Variants in ATXN1 observed in about 807,000 individuals in gnomAD.
ATXN1 encodes the protein ataxin 1.
Under a neutral mutation model 56.4 loss-of-function variants are expected in ATXN1, and 8 were observed. The ratio of observed to expected loss-of-function variants is 0.14; its 90% CI spans 0.08 to 0.26. The LOEUF (loss-of-function observed/expected upper bound fraction) is 0.26, where lower values mean the gene tolerates loss of function less well. ATXN1 is among the 10% of genes least tolerant of loss of function. ATXN1 has a pLI of 1.00. For synonymous variants in ATXN1, 514 were observed against 494.6 expected (o/e 1.04, Z -0.52); for missense variants, 987 against 1,106.5 (o/e 0.89, Z 1.53).
At chr6:16,673,413 T>C (rs1758588345) in intron 2 of ATXN1, among the ~76,000 whole-genome samples, 1 of 152,196 alleles carries the variant, frequency 6.6e-6, no homozygotes, top group Non-Finnish European at 1.5e-5. Flanking sequence ...GCTACCTCTT[T>C]TCTCCGTTTC....
At chr6:16,659,053 T>C (rs768883532) in intron 2 of ATXN1, among the ~76,000 whole-genome samples, 2 of 152,186 alleles carry the variant, frequency 1.3e-5, no homozygotes, top group East Asian at 3.9e-4. Context: ...GTTTGAGGAG[T>C]TGTGTCTATC....
chr6:16,351,669 T>C (rs958723607), intron 6 of ATXN1, among the ~76,000 whole-genome samples: 1 of 152,152 alleles, frequency 6.6e-6, no homozygotes, highest in Non-Finnish European at 1.5e-5. Flanking sequence ...TCCCAAAGTG[T>C]TGGGATAACA....
At chr6:16,321,318 G>A (rs1036200207) in intron 7 of ATXN1, among the ~76,000 whole-genome samples, 2 of 152,170 alleles carry the variant, frequency 1.3e-5, no homozygotes, top group Non-Finnish European at 2.9e-5. Flanking sequence ...ATTATATTTG[G>A]CAGTGAGGCC....
At chr6:16,508,288 A>G (rs930913452) in intron 5 of ATXN1, among the ~76,000 whole-genome samples, 1 of 152,242 alleles carries the variant, frequency 6.6e-6, no homozygotes, top group African/African-American at 2.4e-5. Context: ...AAATTATTTC[A>G]TATAATATGA....
intron 7 of ATXN1, among the ~76,000 whole-genome samples, chr6:16,319,046 G>A (rs1027003239): frequency 1.3e-4 from 20 of 151,774 alleles, no homozygotes; most frequent in Admixed American, 5.3e-4. Context: ...GCAAGACCCC[G>A]TCTCTACAAA....
intron 5 of ATXN1, among the ~76,000 whole-genome samples, chr6:16,517,056 C>T (rs1761196781): frequency 1.3e-5 from 2 of 152,232 alleles, no homozygotes; most frequent in African/African-American, 2.4e-5. Context: ...TTAACCAATA[C>T]CACCATGCAG....
intron 6 of ATXN1, among the ~76,000 whole-genome samples, chr6:16,451,117 T>C (rs1759744476): frequency 6.6e-6 from 1 of 152,232 alleles, no homozygotes; most frequent in Non-Finnish European, 1.5e-5. Flanking sequence ...ACATCTTCTC[T>C]TCCCATTTAA....
chr6:16,446,592 C>G (rs1759640962), intron 6 of ATXN1, among the ~76,000 whole-genome samples: 1 of 152,144 alleles, frequency 6.6e-6, no homozygotes, highest in Admixed American at 6.6e-5. Flanking sequence ...TCTGCACACT[C>G]CATTTTGCTT....
In ATXN1 at chr6:16,464,335, G is replaced by A. The variant is rs570738769; in HGVS notation, c.-161+21637C>T. Among the ~76,000 whole-genome samples the A allele has an allele frequency of 1.6e-4, 24 of 152,248 alleles. No individual in the cohort carries two copies. In the South Asian group the frequency reaches 3.1e-3, roughly 20 times the overall value. ...AGCAGGATTCTAAAGGTAGCCAATC[G>A]CAGGGAGGATTGAAAAAAAGGGCAC... On this transcript the variant is annotated intron_variant, in intron 6 of 7. Coordinates refer to ENST00000436367, the MANE Select transcript of ATXN1 (RefSeq NM_001128164.2).
chr6:16,711,481 T>C (rs141391935), intron 2 of ATXN1, among the ~76,000 whole-genome samples: 171 of 151,696 alleles, frequency 1.1e-3, no homozygotes, highest in South Asian at 2.1e-3. Context: ...TGAGAAAAAA[T>C]TCATATTTCT....
At chr6:16,737,122 T>C (rs1760163192) in intron 2 of ATXN1, 1 of 152,234 alleles carries the variant, frequency 6.6e-6, no homozygotes, top group Non-Finnish European at 1.5e-5. Context: ...GCAAAGCTGA[T>C]GCTATTTAAA....
chr6:16,723,627 A>G (rs985040478), intron 2 of ATXN1, among the ~76,000 whole-genome samples: 2 of 152,178 alleles, frequency 1.3e-5, no homozygotes, highest in African/African-American at 4.8e-5. Flanking sequence ...ATAAGTTCCA[A>G]TGTTTAGTCA....
At chr6:16,478,309 G>T (rs1360470118) in intron 6 of ATXN1, among the ~76,000 whole-genome samples, 1 of 152,126 alleles carries the variant, frequency 6.6e-6, no homozygotes, top group Non-Finnish European at 1.5e-5. Flanking sequence ...TGAATTATGT[G>T]AGCCAGTAGA....
chr6:16,742,471 G>C (rs1439615828), intron 2 of ATXN1, among the ~76,000 whole-genome samples: 1 of 152,194 alleles, frequency 6.6e-6, no homozygotes. Flanking sequence ...AAGGTTAAAA[G>C]GGCCTTAGGG....
chr6:16,721,685 T>C (rs1010820351), intron 2 of ATXN1, among the ~76,000 whole-genome samples: 1 of 152,174 alleles, frequency 6.6e-6, no homozygotes, highest in African/African-American at 2.4e-5. Flanking sequence ...TTTAATGTAA[T>C]AATTTACAAA....
At chr6:16,745,351 G>A (rs1201554488) in intron 2 of ATXN1, among the ~76,000 whole-genome samples, 7 of 152,176 alleles carry the variant, frequency 4.6e-5, no homozygotes, top group African/African-American at 1.7e-4. Context: ...GTCCAAAAAT[G>A]ATAGGAAACT....
chr6:16,552,063 C>A (rs772734318), intron 4 of ATXN1, among the ~76,000 whole-genome samples: 31 of 152,292 alleles, frequency 2.0e-4, no homozygotes, highest in Middle Eastern at 3.4e-3. Context: ...CGTGGGAGGA[C>A]ACAGGAGGTA....
At chr6:16,367,340 TCTCTC>T (rs1581717544) in intron 6 of ATXN1, among the ~76,000 whole-genome samples, 4 of 92,054 alleles carry the variant, frequency 4.3e-5, no homozygotes, top group East Asian at 3.0e-4. Flanking sequence ...TGTTTCTCTC[TCTCTC>T]TCTCTCTCTC....
At chr6:16,513,331 A>C (rs1233432464) in intron 5 of ATXN1, among the ~76,000 whole-genome samples, 1 of 152,232 alleles carries the variant, frequency 6.6e-6, no homozygotes, top group African/African-American at 2.4e-5. Flanking sequence ...TTTCTACACA[A>C]AGTACATCAA....
Sources: gnomAD v4.1 joint callset for allele counts (sites outside exome capture counted in the v4.1 genomes callset) on GRCh38, gnomAD v4.1.1 for gene constraint, MANE v1.5 for transcripts, NCBI Gene and HGNC (gene_info 2026-07-23, HGNC 2026-07-21) for gene names.